The following MPP7 variants were observed in gnomAD, a reference collection of about 807,000 sequenced individuals.
MPP7 encodes the protein MAGUK p55 scaffold protein 7.
Under a neutral mutation model 76.5 loss-of-function variants are expected in MPP7, and 60 were observed. The ratio of observed to expected loss-of-function variants is 0.78; its 90% CI spans 0.64 to 0.97. MPP7 has a LOEUF of 0.97. Ranked by LOEUF, MPP7 falls within the 50% of genes least tolerant of loss-of-function variation. The pLI is 0.00. For synonymous variants in MPP7, 237 were observed against 244.5 expected (o/e 0.97, Z 0.29); for missense variants, 641 against 694.0 (o/e 0.92, Z 0.86).
intron 5 of MPP7, among the ~76,000 whole-genome samples, chr10:28,136,842 A>T (rs1835367950): frequency 6.6e-6 from 1 of 152,200 alleles, no homozygotes. Flanking sequence ...ATAGGACTGA[A>T]TAGGACTTAG....
At chr10:28,056,210 T>C (rs1471126971) in intron 16 of MPP7, among the ~76,000 whole-genome samples, 1 of 151,500 alleles carries the variant, frequency 6.6e-6, no homozygotes, top group Non-Finnish European at 1.5e-5. Context: ...CAGGCTGGAG[T>C]GTAGTAGTGT....
At chr10:28,157,887 T>C (rs1198338742) in intron 3 of MPP7, among the ~76,000 whole-genome samples, 1 of 152,224 alleles carries the variant, frequency 6.6e-6, no homozygotes, top group Non-Finnish European at 1.5e-5. Context: ...CTATTCTTTT[T>C]GTTCACTATC....
chr10:28,146,674 C>G (rs562461029), intron 5 of MPP7, among the ~76,000 whole-genome samples: 73 of 152,208 alleles, frequency 4.8e-4, no homozygotes, highest in African/African-American at 1.6e-3. Flanking sequence ...GTTTTTACAT[C>G]TAGGAAGAAA....
intron 3 of MPP7, among the ~76,000 whole-genome samples, chr10:28,188,287 T>C (rs980249731): frequency 1.3e-5 from 2 of 152,192 alleles, no homozygotes; most frequent in African/African-American, 4.8e-5. Flanking sequence ...AGATAAATTG[T>C]ATATTTTGAA....
chr10:28,321,981 GTGTGTGTGTT>G (rs1834373137), intron 2 of MPP7, among the ~76,000 whole-genome samples: 1 of 147,784 alleles, frequency 6.8e-6, no homozygotes, highest in African/African-American at 2.5e-5. Context: ...GTGTGTGTGT[GTGTGTGTGTT>G]TAGCTGTACA....
intron 3 of MPP7, among the ~76,000 whole-genome samples, chr10:28,171,493 CA>C (rs1477607786): frequency 6.6e-6 from 1 of 152,156 alleles, no homozygotes; most frequent in Non-Finnish European, 1.5e-5. Context: ...ATGGGGTCAA[CA>C]GCATTTCAAA....
intron 1 of MPP7, among the ~76,000 whole-genome samples, chr10:28,279,241 C>T (rs551459571): frequency 6.6e-6 from 1 of 152,178 alleles, no homozygotes; most frequent in African/African-American, 2.4e-5. Context: ...GACGAAGCTA[C>T]TAAAAGTTCT....
chr10:28,171,259 T>TC (rs1836671604), intron 3 of MPP7, among the ~76,000 whole-genome samples: 2 of 152,154 alleles, frequency 1.3e-5, no homozygotes, highest in Admixed American at 1.3e-4. Flanking sequence ...TAGCCAATTT[T>TC]CTCAAAAAAG....
At chr10:28,140,960 G>A (rs1835496857) in intron 5 of MPP7, among the ~76,000 whole-genome samples, 1 of 151,944 alleles carries the variant, frequency 6.6e-6, no homozygotes, top group South Asian at 2.1e-4. Flanking sequence ...TAACCAGAAA[G>A]TATAAAAAGA....
intron 11 of MPP7, among the ~76,000 whole-genome samples, chr10:28,108,518 G>A (rs1336222640): frequency 1.3e-5 from 2 of 151,914 alleles, no homozygotes; most frequent in Admixed American, 6.6e-5. Context: ...TTAGCTGGCC[G>A]TGGTGGTGCA....
chr10:28,321,948 C>CGT (rs3064171), intron 2 of MPP7, among the ~76,000 whole-genome samples: 10,165 of 143,346 alleles, frequency 0.071, 432 homozygotes, highest in African/African-American at 0.13. Context: ...TTTTTGTAGA[C>CGT]GTGTGTGTGT....
At chr10:28,168,832 A>C (rs1027818177) in intron 3 of MPP7, among the ~76,000 whole-genome samples, 2 of 152,130 alleles carry the variant, frequency 1.3e-5, no homozygotes, top group Non-Finnish European at 2.9e-5. Flanking sequence ...TTATCTCATC[A>C]TCTAAGAGTT....
At chr10:28,204,948 T>C (rs767701279) in intron 2 of MPP7, among the ~76,000 whole-genome samples, 17 of 152,248 alleles carry the variant, frequency 1.1e-4, no homozygotes, top group Non-Finnish European at 2.2e-4. Flanking sequence ...CTGCTTACAT[T>C]TTGTGGGAAT....
At chr10:28,285,328 G>A (rs1840766659) in intron 1 of MPP7, among the ~76,000 whole-genome samples, 2 of 152,090 alleles carry the variant, frequency 1.3e-5, no homozygotes, top group African/African-American at 4.8e-5. Context: ...GGGATTACAG[G>A]CAACACGCCA....
intron 3 of MPP7, among the ~76,000 whole-genome samples, chr10:28,198,870 T>C (rs1454654936): frequency 6.6e-6 from 1 of 152,166 alleles, no homozygotes; most frequent in African/African-American, 2.4e-5. Flanking sequence ...CATTCCCTAG[T>C]TCATGTGAAT....
chr10:28,281,542 A>T (rs1477026052), intron 1 of MPP7, among the ~76,000 whole-genome samples: 1 of 152,152 alleles, frequency 6.6e-6, no homozygotes, highest in Non-Finnish European at 1.5e-5. Context: ...AGATGACAAT[A>T]TCAGGTTATT....
chr10:28,119,507 CATATT>C (rs1834761653), intron 11 of MPP7, 139 bp downstream of exon 11: 1 of 616,722 alleles, frequency 1.6e-6, no homozygotes, highest in African/African-American at 1.9e-5. Context: ...ATATGAATCT[CATATT>C]TGTTTGTTCC....
intron 5 of MPP7, among the ~76,000 whole-genome samples, chr10:28,137,993 T>C (rs1490984308): frequency 6.6e-6 from 1 of 152,220 alleles, no homozygotes; most frequent in East Asian, 1.9e-4. Context: ...GGAGCTTAAC[T>C]TTTTCCTTCA....
intron 12 of MPP7, among the ~76,000 whole-genome samples, chr10:28,088,455 T>C (rs981057338): frequency 1.3e-5 from 2 of 152,010 alleles, no homozygotes; most frequent in African/African-American, 4.8e-5. Context: ...TCGCTCTCAC[T>C]CTCTCTCTCC....
Sources: allele counts gnomAD v4.1 joint callset (sites outside exome capture counted in the v4.1 genomes callset), GRCh38; gene constraint gnomAD v4.1.1; transcripts MANE v1.5; gene names NCBI Gene and HGNC (gene_info 2026-07-23, HGNC 2026-07-21).